Variants in SHANK2 observed in about 807,000 individuals in gnomAD.
SHANK2 encodes the protein SH3 and multiple ankyrin repeat domains 2.
Under a neutral mutation model 133.7 loss-of-function variants are expected in SHANK2, and 43 were observed. The ratio of observed to expected loss-of-function variants is 0.32; its 90% CI spans 0.25 to 0.41. SHANK2 has a LOEUF of 0.41. Among genes scored for constraint, SHANK2 ranks in the 10% least tolerant of loss-of-function variants. The pLI, the probability that SHANK2 is intolerant of heterozygous loss-of-function variation, is 1.00. For missense variants in SHANK2, 1,994 were observed against 2,235.8 expected, an observed-to-expected ratio of 0.89 and a Z score of 2.18; for synonymous variants, 1,017 against 952.8, an observed-to-expected ratio of 1.07 and a Z score of -1.24.
chr11:70,930,468 G>T (rs1303914194), intron 10 of SHANK2, among the ~76,000 whole-genome samples: 1 of 152,102 alleles, frequency 6.6e-6, no homozygotes, highest in African/African-American at 2.4e-5. Context: ...CAAATACAAA[G>T]TGTTAGTTAT....
At chr11:70,545,921 C>T (rs964429124) in intron 17 of SHANK2, among the ~76,000 whole-genome samples, 6 of 152,104 alleles carry the variant, frequency 3.9e-5, no homozygotes, top group African/African-American at 2.4e-5. Flanking sequence ...ATTCACAATA[C>T]TCGGGAACAT....
intron 16 of SHANK2, among the ~76,000 whole-genome samples, chr11:70,660,410 C>T (rs2061467195): frequency 6.6e-6 from 1 of 152,256 alleles, no homozygotes; most frequent in Non-Finnish European, 1.5e-5. Context: ...GAACATCACG[C>T]TGACCCAGTG....
chr11:70,760,801 T>C (rs1946980594), intron 14 of SHANK2, among the ~76,000 whole-genome samples: 1 of 152,064 alleles, frequency 6.6e-6, no homozygotes, highest in Non-Finnish European at 1.5e-5. Flanking sequence ...CAGGAGCAAA[T>C]GAAGGGATTA....
At chr11:70,581,475 G>C (rs1201179365) in intron 17 of SHANK2, among the ~76,000 whole-genome samples, 2 of 152,136 alleles carry the variant, frequency 1.3e-5, no homozygotes, top group African/African-American at 2.4e-5. Flanking sequence ...CAGATCACTC[G>C]AGGTTGGGAG....
At chr11:71,158,727 T>C (rs1590971573) in intron 2 of SHANK2, among the ~76,000 whole-genome samples, 1 of 152,186 alleles carries the variant, frequency 6.6e-6, no homozygotes, top group Admixed American at 6.5e-5. Flanking sequence ...AAAGTTATAA[T>C]ATGAAAACAG....
chr11:71,244,674 T>C (rs1954938767), intron 1 of SHANK2, among the ~76,000 whole-genome samples: 1 of 152,120 alleles, frequency 6.6e-6, no homozygotes, highest in African/African-American at 2.4e-5. Context: ...ACCACAAAAA[T>C]GTTAAACAAT....
intron 14 of SHANK2, among the ~76,000 whole-genome samples, chr11:70,760,788 C>G (rs1022726267): frequency 6.6e-6 from 1 of 152,184 alleles, no homozygotes; most frequent in African/African-American, 2.4e-5. Flanking sequence ...GCTGCAGGTA[C>G]CCCAGGAGCA....
chr11:70,558,488 G>T (rs551085668), intron 17 of SHANK2, among the ~76,000 whole-genome samples: 2 of 152,350 alleles, frequency 1.3e-5, no homozygotes, highest in Admixed American at 1.3e-4. Context: ...GCCTGCCAGG[G>T]TTCCAAGCCT....
At chr11:70,856,245 G>T (rs1949169944) in intron 11 of SHANK2, among the ~76,000 whole-genome samples, 1 of 152,140 alleles carries the variant, frequency 6.6e-6, no homozygotes, top group African/African-American at 2.4e-5. Context: ...TGGACAGATG[G>T]ATGGATGGGT....
Position 70,649,662 on chromosome 11 carries a change from G to A in SHANK2, c.2061+10166C>T, listed in dbSNP as rs1313663305. 3.9e-5 allele frequency among the ~76,000 whole-genome samples: 6 copies of A among 152,286 alleles called. No individual in the cohort carries two copies. The East Asian group carries it at 1.2e-3, about 29-fold the overall frequency. On this transcript the variant is annotated intron_variant, in intron 17 of 25. Transcript: ENST00000601538. ...GGGAGGGAGGAGGGGGGCAGGTGGA[G>A]AGGACCCAGAGGCACCAATGGGTGC...
At chr11:70,718,700 CT>C (rs60414874) in intron 14 of SHANK2, among the ~76,000 whole-genome samples, 160 of 129,594 alleles carry the variant, frequency 1.2e-3, no homozygotes, top group Non-Finnish European at 1.3e-3. Flanking sequence ...AGCTCATTCT[CT>C]TTTTTTTTTT....
At chr11:71,098,380 G>A (rs1446427975) in intron 6 of SHANK2, among the ~76,000 whole-genome samples, 3 of 152,356 alleles carry the variant, frequency 2.0e-5, no homozygotes, top group Non-Finnish European at 2.9e-5. Flanking sequence ...AAAATCAAAC[G>A]ACTGGGCAAG....
intron 17 of SHANK2, among the ~76,000 whole-genome samples, chr11:70,622,205 T>G (rs1293407263): frequency 6.6e-6 from 1 of 151,996 alleles, no homozygotes; most frequent in Non-Finnish European, 1.5e-5. Context: ...ACGTCTCCAA[T>G]CCAACACAGC....
chr11:70,805,752 A>C (rs1233609709), intron 13 of SHANK2, among the ~76,000 whole-genome samples: 1 of 152,250 alleles, frequency 6.6e-6, no homozygotes, highest in Non-Finnish European at 1.5e-5. Context: ...AAAACAGATA[A>C]ACAGAAAAGC....
chr11:70,800,703 G>A (rs113219561), intron 13 of SHANK2, among the ~76,000 whole-genome samples: 1 of 152,204 alleles, frequency 6.6e-6, no homozygotes, highest in Non-Finnish European at 1.5e-5. Context: ...TCCAAAACTC[G>A]ATGCAGGGCC....
intron 2 of SHANK2, among the ~76,000 whole-genome samples, chr11:71,160,979 TAAG>T (rs1953003123): frequency 6.6e-6 from 1 of 152,258 alleles, no homozygotes; most frequent in South Asian, 2.1e-4. Flanking sequence ...CAGCCTTCTT[TAAG>T]AAGTTTACTT....
chr11:71,183,996 G>A (rs118048631), intron 2 of SHANK2, among the ~76,000 whole-genome samples: 50 of 152,244 alleles, frequency 3.3e-4, no homozygotes, highest in East Asian at 3.1e-3. Context: ...CATTTCACAC[G>A]GGCCAAGAAG....
intron 6 of SHANK2, among the ~76,000 whole-genome samples, chr11:71,098,402 A>G (rs1268545482): frequency 6.6e-6 from 1 of 152,210 alleles, no homozygotes; most frequent in African/African-American, 2.4e-5. Flanking sequence ...GATTCTTCCT[A>G]TGAGGGGAAG....
intron 10 of SHANK2, among the ~76,000 whole-genome samples, chr11:70,904,613 T>G (rs1382999449): frequency 6.6e-6 from 1 of 151,914 alleles, no homozygotes; most frequent in East Asian, 1.9e-4. Context: ...GTTCAAGTGA[T>G]TCTCCTGCCT....
Sources: allele counts gnomAD v4.1 joint callset (sites outside exome capture counted in the v4.1 genomes callset), GRCh38; gene constraint gnomAD v4.1.1; transcripts MANE v1.5; gene names NCBI Gene and HGNC (gene_info 2026-07-23, HGNC 2026-07-21).